ADAM18: variants seen among roughly 807,000 people sequenced by gnomAD.
ADAM18 encodes the protein disintegrin and metalloproteinase domain-containing protein 18.
A neutral mutation model predicts 94.4 loss-of-function variants in ADAM18; 117 were observed. The ratio of observed to expected loss-of-function variants is 1.24; its 90% CI spans 1.07 to 1.45. The LOEUF (loss-of-function observed/expected upper bound fraction) is 1.45. Among genes scored for constraint, ADAM18 ranks in the 40% most tolerant of loss-of-function variants. The probability of loss-of-function intolerance (pLI) is 0.00; values close to 1 mark genes in which losing one functional copy is unlikely to be tolerated. For missense variants in ADAM18, 936 were observed against 880.0 expected, an observed-to-expected ratio of 1.06 and a Z score of -0.81; for synonymous variants, 327 against 291.6, an observed-to-expected ratio of 1.12 and a Z score of -1.24.
At chr8:39,638,588 CTTATA>C (rs773985339) in intron 10 of ADAM18, 42 bp downstream of exon 10, 21 of 1,231,230 alleles carry the variant, frequency 1.7e-5, no homozygotes, top group South Asian at 5.4e-5. Flanking sequence ...ATTTTTAGGC[CTTATA>C]TTATATTTTG....
At chr8:39,594,817 G>GTTTTTTTTTTTTTTTTTTTTTTTTTTT (rs1818690359) in intron 2 of ADAM18, among the ~76,000 whole-genome samples, 1 of 57,128 alleles carries the variant, frequency 1.8e-5, no homozygotes. Flanking sequence ...TTTTTTTTTT[G>GTTTTTTTTTTTTTTTTTTTTTTTTTTT]GTAATTGTTT....
At chr8:39,611,855 A>G (rs1054025144) in intron 6 of ADAM18, among the ~76,000 whole-genome samples, 1 of 152,222 alleles carries the variant, frequency 6.6e-6, no homozygotes, top group Non-Finnish European at 1.5e-5. Context: ...CTAAGACTAT[A>G]TGATGTTCTT....
intron 11 of ADAM18, 98 bp from the exon 12 acceptor site, chr8:39,648,246 T>A: frequency 1.2e-6 from 1 of 830,300 alleles, no homozygotes; most frequent in Non-Finnish European, 1.7e-6. Context: ...AATTTTGGGG[T>A]GGCCATCTTG....
intron 17 of ADAM18, among the ~76,000 whole-genome samples, chr8:39,704,262 A>C (rs1282028045): frequency 6.6e-6 from 1 of 152,130 alleles, no homozygotes; most frequent in Non-Finnish European, 1.5e-5. Flanking sequence ...AAAAAATTAA[A>C]ATTTTAGGCC....
rs796525814 is a variant in ADAM18, at chr8:39,651,346, G to T, written c.1230+2819G>T. Among the ~76,000 whole-genome samples the T allele has an allele frequency of 3.3e-5, 5 of 151,912 alleles. No homozygotes were observed. In the South Asian group the frequency reaches 1.0e-3, roughly 32 times the overall value. On this transcript the variant is annotated intron_variant, in intron 12 of 19. Coordinates refer to ENST00000265707, the MANE Select transcript of ADAM18 (RefSeq NM_014237.3). ...ATCCTCCTTAGCACAGACCCTTTAC[G>T]GGTGTCGGGCTGGGGGACGTTCAGG... is the stretch of plus-strand genomic sequence containing the variant.
At chr8:39,651,167 A>G (rs1015142962) in intron 12 of ADAM18, among the ~76,000 whole-genome samples, 1 of 152,186 alleles carries the variant, frequency 6.6e-6, no homozygotes, top group Admixed American at 6.5e-5. Flanking sequence ...TGCCGCCAGT[A>G]TGTCTCACCT....
At chr8:39,706,031 T>C (rs566307148) in intron 17 of ADAM18, among the ~76,000 whole-genome samples, 3 of 152,250 alleles carry the variant, frequency 2.0e-5, no homozygotes, top group African/African-American at 7.2e-5. Context: ...AAATGGGACT[T>C]AAATAGTGGT....
intron 10 of ADAM18, among the ~76,000 whole-genome samples, chr8:39,639,007 T>A (rs948394802): frequency 4.7e-4 from 71 of 151,940 alleles, no homozygotes; most frequent in African/African-American, 1.7e-3. Flanking sequence ...TAAAACTGTT[T>A]CCTGCAAAAT....
intron 17 of ADAM18, among the ~76,000 whole-genome samples, chr8:39,694,937 C>T (rs577124562): frequency 6.6e-6 from 1 of 151,446 alleles, no homozygotes; most frequent in East Asian, 1.9e-4. Flanking sequence ...CTAAGAATGC[C>T]CTGTGATCCA....
chr8:39,669,305 C>T (rs956349535), intron 14 of ADAM18, among the ~76,000 whole-genome samples: 37 of 148,274 alleles, frequency 2.5e-4, no homozygotes, highest in Non-Finnish European at 4.6e-4. Flanking sequence ...TTATTATACT[C>T]TTTTTTTTAA....
chr8:39,642,580 T>C (rs1820265379), intron 10 of ADAM18, among the ~76,000 whole-genome samples: 1 of 152,062 alleles, frequency 6.6e-6, no homozygotes, highest in Admixed American at 6.6e-5. Context: ...TGTGGTATTA[T>C]TTCTGGGATC....
At chr8:39,585,458 A>T in intron 2 of ADAM18, 106 bp downstream of exon 2, 1 of 819,990 alleles carries the variant, frequency 1.2e-6, no homozygotes, top group Non-Finnish European at 1.9e-6. Flanking sequence ...GCCAAATCAT[A>T]ATATTTTGCC....
chr8:39,612,078 G>A (rs1819292170), intron 6 of ADAM18, among the ~76,000 whole-genome samples: 1 of 151,614 alleles, frequency 6.6e-6, no homozygotes, highest in East Asian at 1.9e-4. Context: ...CAATTACCTT[G>A]AATGTAAATG....
chr8:39,605,312 C>T (rs1819041695), intron 2 of ADAM18, among the ~76,000 whole-genome samples: 1 of 152,186 alleles, frequency 6.6e-6, no homozygotes, highest in African/African-American at 2.4e-5. Flanking sequence ...AATTTAATGG[C>T]ATCACCTGCT....
In ADAM18 at chr8:39,606,370, A is replaced by G. The variant is rs1819085259; in HGVS notation, c.188+8A>G. 1.3e-6 allele frequency: 2 copies of G among 1,532,126 alleles called. No homozygotes were observed. Among genetic ancestry groups the G allele is most frequent in the South Asian group, 2.4e-5 (2 of 81,638 alleles). The allele number at this position is 1,532,126 out of a possible 1,614,324, so 94.9% of individuals were successfully genotyped here. On this transcript the variant is annotated splice_region_variant and intron_variant, in intron 3 of 19. Coordinates refer to ENST00000265707, the MANE Select transcript of ADAM18 (RefSeq NM_014237.3). The stretch of plus-strand genomic sequence containing the variant: ...TCTACATCTCGGAAAACAGTAAGAT[A>G]TGATTTTTTTTTCATTAAGGAAAAG...
chr8:39,631,850 G>A (rs557043809), intron 7 of ADAM18, among the ~76,000 whole-genome samples: 3 of 151,932 alleles, frequency 2.0e-5, no homozygotes, highest in African/African-American at 7.2e-5. Flanking sequence ...AATTCCTTTC[G>A]TCAGTGTTCT....
At chr8:39,618,252 AG>A (rs1248850892) in intron 6 of ADAM18, among the ~76,000 whole-genome samples, 2 of 152,162 alleles carry the variant, frequency 1.3e-5, no homozygotes, top group South Asian at 4.1e-4. Context: ...AACTGGGTCC[AG>A]GGGGGTCACC....
chr8:39,615,560 CATACTTCAAA>C (rs1819412226), intron 6 of ADAM18, among the ~76,000 whole-genome samples: 1 of 152,112 alleles, frequency 6.6e-6, no homozygotes, highest in South Asian at 2.1e-4. Flanking sequence ...ATTGAAGGAA[CATACTTCAAA>C]ATAATGAGTC....
chr8:39,718,946 T>C (rs1443040731), intron 18 of ADAM18, among the ~76,000 whole-genome samples: 1 of 151,330 alleles, frequency 6.6e-6, no homozygotes, highest in Non-Finnish European at 1.5e-5. Flanking sequence ...TAAGAAAATT[T>C]CTGTCAAAAT....
Sources: gnomAD v4.1 joint callset for allele counts (sites outside exome capture counted in the v4.1 genomes callset) on GRCh38, gnomAD v4.1.1 for gene constraint, MANE v1.5 for transcripts, NCBI Gene and HGNC (gene_info 2026-07-23, HGNC 2026-07-21) for gene names.